Variants in GFI1 observed in about 807,000 individuals in gnomAD.
GFI1 encodes growth factor independent 1 transcriptional repressor, also known as zinc finger protein Gfi-1.
Under a neutral mutation model 39.2 loss-of-function variants are expected in GFI1, and 15 were observed. The observed-to-expected ratio is 0.38, with a 90% CI of 0.26 to 0.59. GFI1 has a LOEUF of 0.59. GFI1 is among the 20% of genes least tolerant of loss of function. The probability of loss-of-function intolerance (pLI) is 0.62; values close to 1 mark genes in which losing one functional copy is unlikely to be tolerated. For missense variants in GFI1, 475 were observed against 574.0 expected (o/e 0.83, Z 1.76); for synonymous variants, 239 against 254.3 (o/e 0.94, Z 0.57).
Position 92,481,923 on chromosome 1 carries a change from C to T in GFI1, c.299-835G>A, listed in dbSNP as rs964618021. 7.0e-6 allele frequency among the ~76,000 whole-genome samples: 1 copy of T among 142,966 alleles called. No homozygotes were observed. The allele number at this position is 142,966 out of a possible 152,430, so 93.8% of individuals were successfully genotyped here. A position where few individuals can be genotyped will look rare whatever the true frequency, so the allele number is the denominator to read the frequency against. On this transcript the variant is annotated intron_variant, in intron 3 of 6. Coordinates refer to ENST00000294702, the MANE Select transcript of GFI1 (RefSeq NM_005263.5). The surrounding 1 kb of genome is among the most constrained non-coding windows in gnomAD (Gnocchi z 4.3). The stretch of plus-strand genomic sequence containing the variant: ...TGACCCCAACGCATGTGAGTGCATA[C>T]GGCATTTACAAATGTGTGTGTGTGT...
chr1:92,482,965 T>C lies in GFI1; in HGVS notation c.197A>G (p.Asp66Gly). 1 of 1,613,356 alleles carries C rather than the reference T, an allele frequency of 6.2e-7. No individual in the cohort carries two copies. The highest frequency in any genetic ancestry group is 1.3e-5 in the African/African-American group (1 of 75,050). ...GCTGTCTGGGGATGCGGAGGCTCTG[T>C]CTGGGGCTTCGGTCAGCTGCGATTC... ...SPESQLTEAP[D>G]RASASPDSCE... The change falls in exon 3 of 7, where the codon GAC becomes GGC. Residue 66 changes from aspartate to glycine, a missense_variant. Asp to Gly is a moderately conservative substitution (Grantham distance 94). Coordinates refer to ENST00000294702, the MANE Select transcript of GFI1 (RefSeq NM_005263.5). This position sits in a 1 kb window ranked among gnomAD's most constrained non-coding sequence, Gnocchi z 4.4.
chr1:92,477,419 A>G (rs1218466190), intron 6 of GFI1, among the ~76,000 whole-genome samples: 4 of 152,254 alleles, frequency 2.6e-5, no homozygotes, highest in African/African-American at 9.6e-5. Flanking sequence ...ACATTACCCA[A>G]GTATATTTAT....
chr1:92,481,114 G>A lies in GFI1; in HGVS notation c.299-26C>T, dbSNP rs1037507829. On this transcript the variant is annotated intron_variant, in intron 3 of 6. Coordinates refer to ENST00000294702, the MANE Select transcript of GFI1 (RefSeq NM_005263.5). This position sits in a 1 kb window ranked among gnomAD's most constrained non-coding sequence, Gnocchi z 4.3. ...CTGTGGAGGCACAAGGGGAGCGTCC[G>A]GTCAGGCTTCAGACGGCAGAGCGGA... 5.0e-6 allele frequency: 8 copies of A among 1,594,830 alleles called. No individual in the cohort carries two copies. The highest frequency in any genetic ancestry group is 3.4e-5 in the Admixed American group (2 of 58,946).
chr1:92,482,577 C>A lies in GFI1; in HGVS notation c.298+287G>T, dbSNP rs1658313478. 6.6e-6 allele frequency among the ~76,000 whole-genome samples: 1 copy of A among 152,176 alleles called. No individual in the cohort carries two copies. Among genetic ancestry groups the A allele is most frequent in the African/African-American group, 2.4e-5 (1 of 41,436 alleles). On this transcript the variant is annotated intron_variant, in intron 3 of 6. Transcript: ENST00000294702. This position sits in a 1 kb window ranked among gnomAD's most constrained non-coding sequence, Gnocchi z 4.4. The stretch of plus-strand genomic sequence containing the variant: ...ATGAAAGGTCAGCGTTGCCGCCAGT[C>A]GAAACGACTGGTTTGTTTTCCGTCA...
chr1:92,478,795 T>C (rs760305848), intron 5 of GFI1, 42 bp from the exon 6 acceptor site: 4 of 531,826 alleles, frequency 7.5e-6, no homozygotes, highest in African/African-American at 6.2e-5. Flanking sequence ...GAGAGAGAGA[T>C]GCAGAACTCC....
chr1:92,479,569 C>T (rs1041238855), intron 5 of GFI1, among the ~76,000 whole-genome samples: 8 of 152,022 alleles, frequency 5.3e-5, no homozygotes, highest in African/African-American at 1.9e-4. Flanking sequence ...TAAATAGCGG[C>T]GGTGGGGCAT....
chr1:92,483,591 G>A lies in GFI1; in HGVS notation c.-99-5C>T, dbSNP rs1658394837. On this transcript the variant is annotated splice_polypyrimidine_tract_variant and splice_region_variant and intron_variant, in intron 1 of 6. Coordinates refer to ENST00000294702, the MANE Select transcript of GFI1 (RefSeq NM_005263.5). ...CAGCCCCAGCCCGGAGGAGACCTGA[G>A]AGGGAAAGAAAACCAGGTGGAGACG... 1.4e-6 allele frequency: 1 copy of A among 739,704 alleles called. No individual in the cohort carries two copies. Among genetic ancestry groups the A allele is most frequent in the South Asian group, 1.5e-5 (1 of 67,760 alleles). 45.8% of individuals were successfully genotyped at this position (739,704 alleles called of 1,614,324 possible).
In GFI1 at chr1:92,473,380, C is replaced by A. The variant is rs1657815914; in HGVS notation, c.*2649G>T. ...TTCAAACCAGGTTGGAAATAACCAA[C>A]CAGTACACAGGGTGACTTCTGTGGG... On this transcript the variant is annotated 3_prime_UTR_variant, in exon 7 of 7. Transcript: ENST00000294702. Among the ~76,000 whole-genome samples the A allele has an allele frequency of 6.6e-6, 1 of 152,124 alleles. No individual in the cohort carries two copies. Among genetic ancestry groups the A allele is most frequent in the Non-Finnish European group, 1.5e-5 (1 of 68,032 alleles).
At chr1:92,483,994 G>A in intron 1 of GFI1, 1 of 245,616 alleles carries the variant, frequency 4.1e-6, no homozygotes, top group Non-Finnish European at 8.2e-6. Flanking sequence ...GCTGGCGAGG[G>A]AGGGCGGGGA....
At position 92,479,453 on chromosome 1, in the gene GFI1, A is replaced by G. The variant is rs116436845; in HGVS notation, c.925-700T>C. On this transcript the variant is annotated intron_variant, in intron 5 of 6. Coordinates refer to ENST00000294702, the MANE Select transcript of GFI1 (RefSeq NM_005263.5). ...CTACTCTCCATCTCTCAGCTAAACT[A>G]TAATCTTCATGTGGGCATGCTGTCA... 2.8e-3 allele frequency among the ~76,000 whole-genome samples: 432 copies of G among 152,300 alleles called. 1 individual carries two copies. The highest frequency in any genetic ancestry group is 9.9e-3 in the African/African-American group (413 of 41,546).
chr1:92,475,096 C>G lies in GFI1; in HGVS notation c.*933G>C, dbSNP rs1458561366. The G allele has an allele frequency of 6.6e-6, 1 of 152,242 alleles. No homozygotes were observed. The highest frequency in any genetic ancestry group is 1.5e-5 in the Non-Finnish European group (1 of 68,054). 9.4% of individuals were successfully genotyped at this position (152,242 alleles called of 1,614,324 possible). On this transcript the variant is annotated 3_prime_UTR_variant, in exon 7 of 7. Transcript: ENST00000294702. Reference sequence around the variant, plus strand: ...AAGGTTTACAATTCTGTGCTGTCTTCTCAGAATTCCCTCCAAGAGTAAGAA... The same window carrying G: ...AAGGTTTACAATTCTGTGCTGTCTTGTCAGAATTCCCTCCAAGAGTAAGAA...
At position 92,473,476 on chromosome 1, in the gene GFI1, G is replaced by A. The variant is rs1401936485; in HGVS notation, c.*2553C>T. Among the ~76,000 whole-genome samples the A allele has an allele frequency of 2.0e-5, 3 of 152,186 alleles. No individual in the cohort carries two copies. The highest frequency in any genetic ancestry group is 4.4e-5 in the Non-Finnish European group (3 of 68,026). ...GGACACTAGGAAGTGGTTCCTGGACGCTGCAACTGTTCATCATCCATCAGT... is the reference window on the plus strand; with the variant it reads ...GGACACTAGGAAGTGGTTCCTGGACACTGCAACTGTTCATCATCCATCAGT... On this transcript the variant is annotated 3_prime_UTR_variant, in exon 7 of 7. Coordinates refer to ENST00000294702, the MANE Select transcript of GFI1 (RefSeq NM_005263.5).
intron 1 of GFI1, among the ~76,000 whole-genome samples, chr1:92,486,407 G>A (rs1161239577): frequency 2.6e-5 from 4 of 152,328 alleles, no homozygotes; most frequent in South Asian, 2.1e-4. Context: ...CTTGGCTCCA[G>A]GGAGACTTCC....
In GFI1 at chr1:92,482,978, T is replaced by C; in HGVS notation, c.184A>G (p.Thr62Ala). The C allele has an allele frequency of 6.2e-7, 1 of 1,611,846 alleles. No individual in the cohort carries two copies. The highest frequency in any genetic ancestry group is 1.1e-5 in the South Asian group (1 of 91,062). The change falls in exon 3 of 7, where the codon ACC (threonine) becomes GCC (alanine). Residue 62 changes from threonine to alanine, a missense_variant. Thr to Ala is a moderately conservative substitution (Grantham distance 58, BLOSUM62 0). Coordinates refer to ENST00000294702, the MANE Select transcript of GFI1 (RefSeq NM_005263.5). This position sits in a 1 kb window ranked among gnomAD's most constrained non-coding sequence, Gnocchi z 4.4. ...GCGGAGGCTCTGTCTGGGGCTTCGGTCAGCTGCGATTCGGGGGACAAACGG... is the reference window on the plus strand; with the variant it reads ...GCGGAGGCTCTGTCTGGGGCTTCGGCCAGCTGCGATTCGGGGGACAAACGG... Reference protein sequence around the residue: ...RDRLSPESQLTEAPDRASASP... With the variant: ...RDRLSPESQLAEAPDRASASP...
chr1:92,477,547 G>C (rs1658029211), intron 6 of GFI1, among the ~76,000 whole-genome samples: 1 of 152,200 alleles, frequency 6.6e-6, no homozygotes, highest in African/African-American at 2.4e-5. Flanking sequence ...GACTATTAGA[G>C]TGTTCTTGGC....
intron 5 of GFI1, among the ~76,000 whole-genome samples, chr1:92,479,760 C>G (rs1449916180): frequency 1.3e-5 from 2 of 151,848 alleles, no homozygotes; most frequent in Non-Finnish European, 2.9e-5. Context: ...GGCTGAGGCA[C>G]GAGAATCACT....
chr1:92,474,018 T>A lies in GFI1; in HGVS notation c.*2011A>T, dbSNP rs1365681681. On this transcript the variant is annotated 3_prime_UTR_variant, in exon 7 of 7. Transcript: ENST00000294702. ...ATCTGCTGGTTCTCACCATGGGGCA[T>A]GCATACCCTGAATGTCTGGCTGGGA... Among the ~76,000 whole-genome samples the A allele has an allele frequency of 6.6e-6, 1 of 152,254 alleles. No homozygotes were observed. Among genetic ancestry groups the A allele is most frequent in the Non-Finnish European group, 1.5e-5 (1 of 68,042 alleles).
rs1292382288 is a variant in GFI1, at chr1:92,474,434, G to T, written c.*1595C>A. ...TCTTTATTCATCTGGGAGCCTTCAG[G>T]CCCCTAAAAAAATATGTTGACATTT... On this transcript the variant is annotated 3_prime_UTR_variant, in exon 7 of 7. Coordinates refer to ENST00000294702, the MANE Select transcript of GFI1 (RefSeq NM_005263.5). Among the ~76,000 whole-genome samples the T allele has an allele frequency of 6.6e-6, 1 of 152,134 alleles. No homozygotes were observed. Among genetic ancestry groups the T allele is most frequent in the African/African-American group, 2.4e-5 (1 of 41,404 alleles).
rs560863633 is a variant in GFI1, at chr1:92,482,235, C to G, written c.298+629G>C. Among the ~76,000 whole-genome samples the G allele has an allele frequency of 2.0e-5, 3 of 151,728 alleles. No homozygotes were observed. In the South Asian group the frequency reaches 6.3e-4, roughly 32 times the overall value. On this transcript the variant is annotated intron_variant, in intron 3 of 6. Coordinates refer to ENST00000294702, the MANE Select transcript of GFI1 (RefSeq NM_005263.5). This position sits in a 1 kb window ranked among gnomAD's most constrained non-coding sequence, Gnocchi z 4.4. ...TCCGGCTGGTCTGCTCATTCCTTCC[C>G]CCGGCCGGGACTCGAGACGCCCCCA...
Sources: gnomAD v4.1 joint callset for allele counts (sites outside exome capture counted in the v4.1 genomes callset) on GRCh38, gnomAD v4.1.1 for gene constraint, Gnocchi (gnomAD v3.1) non-coding constraint, MANE v1.5 for transcripts, NCBI Gene and HGNC (gene_info 2026-07-23, HGNC 2026-07-21) for gene names.